RPN2: variants seen among roughly 807,000 people sequenced by gnomAD.
The protein encoded by RPN2 is dolichyl-diphosphooligosaccharide--protein glycosyltransferase subunit 2.
A neutral mutation model predicts 71.4 loss-of-function variants in RPN2; 29 were observed. The observed-to-expected ratio is 0.41, with a 90% CI of 0.30 to 0.55. The LOEUF is 0.55. Ranked by LOEUF, RPN2 falls within the 20% of genes least tolerant of loss-of-function variation. RPN2 has a pLI of 0.35. For synonymous variants in RPN2, 308 were observed against 305.0 expected (o/e 1.01, Z -0.10); for missense variants, 726 against 774.1 (o/e 0.94, Z 0.74).
chr20:37,179,427 C>T (rs2066780330), intron 1 of RPN2, 58 bp downstream of exon 1: 2 of 164,224 alleles, frequency 1.2e-5, no homozygotes, highest in South Asian at 8.8e-5. Flanking sequence ...GGTTACTAGT[C>T]GCCGCTCGAG....
rs1168170183 is a variant in RPN2, at chr20:37,213,900, A to T, written c.1092+35A>T. The T allele has an allele frequency of 2.0e-6, 3 of 1,475,030 alleles. No homozygotes were observed. The East Asian group carries it at 6.8e-5, about 33-fold the overall frequency. 91.4% of individuals were successfully genotyped at this position (1,475,030 alleles called of 1,614,324 possible). ...TTTCTTTCCTTCCCATTGCCATGTT[A>T]GTATATCCAAGGATATGGCCAAATT... On this transcript the variant is annotated intron_variant, in intron 9 of 16. Transcript: ENST00000237530.
rs141408505 is a variant in RPN2 at position 37,232,379 on chromosome 20, G to A, written c.1665G>A (p.Leu555=). Residue 555 remains leucine, a synonymous_variant, in exon 14 of 17, where the codon CTG becomes CTA. Coordinates refer to ENST00000237530, the MANE Select transcript of RPN2 (RefSeq NM_002951.5). ...CCCTGATCCTCTCGCCGTTGCTTCT[G>A]CTCTTCGCTCTGGTGAGTGGCTGTA... The part of the protein sequence containing the change: ...FTALILSPLL[L]LFALWIRIGA... The A allele has an allele frequency of 2.0e-5, 33 of 1,614,050 alleles. No homozygotes were observed. The highest frequency in any genetic ancestry group is 2.6e-5 in the Non-Finnish European group (31 of 1,180,030).
chr20:37,239,371 A>AG (rs2068490840), intron 16 of RPN2, among the ~76,000 whole-genome samples: 1 of 152,150 alleles, frequency 6.6e-6, no homozygotes, highest in South Asian at 2.1e-4. Flanking sequence ...CAACAAAGGG[A>AG]GGGGAGGTAT....
At chr20:37,205,233 T>C (rs1426871387) in intron 6 of RPN2, among the ~76,000 whole-genome samples, 2 of 151,920 alleles carry the variant, frequency 1.3e-5, no homozygotes, top group Non-Finnish European at 2.9e-5. Flanking sequence ...CCTGAATGCT[T>C]TCCACTCTGG....
Position 37,224,748 on chromosome 20 carries a change from A to G in RPN2, c.1184+779A>G, listed in dbSNP as rs544386816. 2.6e-5 allele frequency among the ~76,000 whole-genome samples: 4 copies of G among 152,304 alleles called. 1 individual carries two copies. Among genetic ancestry groups the G allele is most frequent in the African/African-American group, 9.6e-5 (4 of 41,570 alleles). On this transcript the variant is annotated intron_variant, in intron 10 of 16. Transcript: ENST00000237530. Reference sequence around the variant, plus strand: ...GACCCCAACTTTACTCAACTAGGGTAGCTATAGAGGCCAGAAGACAGTAGG... The same window carrying G: ...GACCCCAACTTTACTCAACTAGGGTGGCTATAGAGGCCAGAAGACAGTAGG...
chr20:37,179,666 T>G, intron 1 of RPN2: 1 of 444,300 alleles, frequency 2.3e-6, no homozygotes, highest in Non-Finnish European at 3.6e-6. Context: ...GCCTCATTCA[T>G]TTCACTCGCG....
At chr20:37,215,904 T>G (rs1555889454) in intron 9 of RPN2, among the ~76,000 whole-genome samples, 1 of 152,218 alleles carries the variant, frequency 6.6e-6, no homozygotes, top group Non-Finnish European at 1.5e-5. Flanking sequence ...TTTGCCTGGT[T>G]TTCTTTTGGT....
At position 37,234,073 on chromosome 20, in the gene RPN2, T is replaced by G. The variant is rs1417587547; in HGVS notation, c.1731T>G (p.Ile577Met). Residue 577 changes from isoleucine to methionine, a missense_variant, in exon 15 of 17, where the codon ATT becomes ATG. Physicochemically the swap from Ile to Met is conservative, Grantham distance 10. Coordinates refer to ENST00000237530, the MANE Select transcript of RPN2 (RefSeq NM_002951.5). ...ACTTCACTTTTGCTCCTAGCACGATTATATTTCACCTGGGACATGCTGGTA... is the reference window on the plus strand; with the variant it reads ...ACTTCACTTTTGCTCCTAGCACGATGATATTTCACCTGGGACATGCTGGTA... ...VSNFTFAPST[I>M]IFHLGHAAML... 2 of 1,614,236 alleles carry G rather than the reference T, an allele frequency of 1.2e-6. No individual in the cohort carries two copies. Among genetic ancestry groups the G allele is most frequent in the South Asian group, 2.2e-5 (2 of 91,080 alleles).
chr20:37,183,167 G>A (rs1486956848), intron 1 of RPN2, among the ~76,000 whole-genome samples: 2 of 150,956 alleles, frequency 1.3e-5, no homozygotes, highest in South Asian at 2.1e-4. Flanking sequence ...AGTAGTAGAA[G>A]TAGTAGCTAA....
In RPN2 at chr20:37,205,310, C is replaced by T. The variant is rs552801076; in HGVS notation, c.690+409C>T. 5.3e-5 allele frequency among the ~76,000 whole-genome samples: 8 copies of T among 152,134 alleles called. 1 individual carries two copies. The highest frequency in any genetic ancestry group is 1.4e-4 in the African/African-American group (6 of 41,508). On this transcript the variant is annotated intron_variant, in intron 6 of 16. Transcript: ENST00000237530. ...CTCCCTTCCCCCTTATGCTCAGCAA[C>T]GGCTAAATCTTAGCTAATCTTTGCT... is the stretch of plus-strand genomic sequence containing the variant.
chr20:37,223,922 T>G lies in RPN2; in HGVS notation c.1137T>G (p.Asp379Glu), dbSNP rs1349985303. Residue 379 changes from aspartate to glutamate, a missense_variant, in exon 10 of 17, where the codon GAT becomes GAG. Physicochemically the swap from Asp to Glu is conservative, Grantham distance 45. Coordinates refer to ENST00000237530, the MANE Select transcript of RPN2 (RefSeq NM_002951.5). ...CTGAAGTTGGCATCACAAATGTTGA[T>G]CTTTCCACCGTGGATAAGGATCAGA... ...ISTEVGITNVDLSTVDKDQSI... is the reference protein window; with the variant it reads ...ISTEVGITNVELSTVDKDQSI... 3.7e-6 allele frequency: 6 copies of G among 1,614,154 alleles called. No individual in the cohort carries two copies. Among genetic ancestry groups the G allele is most frequent in the Admixed American group, 1.7e-5 (1 of 60,026 alleles).
At chr20:37,233,050 T>C (rs2068293030) in intron 14 of RPN2, among the ~76,000 whole-genome samples, 1 of 151,860 alleles carries the variant, frequency 6.6e-6, no homozygotes, top group Admixed American at 6.6e-5. Flanking sequence ...ACCCCATCTC[T>C]ACTAAAATCA....
intron 9 of RPN2, among the ~76,000 whole-genome samples, chr20:37,220,370 G>A (rs988850373): frequency 2.6e-5 from 4 of 152,174 alleles, no homozygotes; most frequent in Non-Finnish European, 5.9e-5. Flanking sequence ...CGGTGGTTTG[G>A]TGTGGAAGTC....
intron 9 of RPN2, among the ~76,000 whole-genome samples, chr20:37,221,524 A>G (rs962189107): frequency 2.0e-5 from 3 of 152,150 alleles, no homozygotes; most frequent in Non-Finnish European, 4.4e-5. Flanking sequence ...ATTGCTCCAT[A>G]GTAATTAATA....
chr20:37,241,353 CA>C lies in RPN2; in HGVS notation c.*40del. The C allele has an allele frequency of 6.2e-7, 1 of 1,605,872 alleles. No homozygotes were observed. The highest frequency in any genetic ancestry group is 8.5e-7 in the Non-Finnish European group (1 of 1,175,172). Reference sequence around the variant, plus strand: ...GATGGAAATTCTGAAAACTGAATGTCAAGAAAAGGAGTCAAGAACAATTCAC... The same window carrying C: ...GATGGAAATTCTGAAAACTGAATGTCAGAAAAGGAGTCAAGAACAATTCAC... On this transcript the variant is annotated 3_prime_UTR_variant, in exon 17 of 17. Coordinates refer to ENST00000237530, the MANE Select transcript of RPN2 (RefSeq NM_002951.5).
intron 9 of RPN2, among the ~76,000 whole-genome samples, chr20:37,220,593 T>C (rs1001621366): frequency 1.6e-4 from 24 of 152,284 alleles, no homozygotes; most frequent in African/African-American, 5.8e-4. Context: ...AAGAAAGGAA[T>C]AGCATGATCC....
intron 2 of RPN2, among the ~76,000 whole-genome samples, chr20:37,193,888 G>A (rs2067199573): frequency 6.6e-6 from 1 of 152,186 alleles, no homozygotes; most frequent in South Asian, 2.1e-4. Flanking sequence ...CCATGGGCAT[G>A]GATGGGATGG....
In RPN2 at chr20:37,225,708, C is replaced by T; in HGVS notation, c.1205C>T (p.Ala402Val). Residue 402 changes from alanine (A) to valine (V), a missense_variant, in exon 11 of 17, where the codon GCC becomes GTC. Ala to Val is a moderately conservative substitution (Grantham distance 64, BLOSUM62 0). Coordinates refer to ENST00000237530, the MANE Select transcript of RPN2 (RefSeq NM_002951.5). ...KTTRVTYPAK[A>V]KGTFIADSHQ... ...TTCAGGGTGACATACCCAGCCAAAG[C>T]CAAGGGCACATTCATCGCAGACAGC... The T allele has an allele frequency of 6.2e-7, 1 of 1,614,004 alleles. No individual in the cohort carries two copies. The highest frequency in any genetic ancestry group is 8.5e-7 in the Non-Finnish European group (1 of 1,179,888).
chr20:37,229,503 T>TG (rs1378676320), intron 12 of RPN2, among the ~76,000 whole-genome samples: 2 of 152,086 alleles, frequency 1.3e-5, no homozygotes, highest in Non-Finnish European at 2.9e-5. Flanking sequence ...CTTTGAATGG[T>TG]GGTTGACTCA....
Sources: allele counts gnomAD v4.1 joint callset (sites outside exome capture counted in the v4.1 genomes callset), GRCh38; gene constraint gnomAD v4.1.1; transcripts MANE v1.5; gene names NCBI Gene and HGNC (gene_info 2026-07-23, HGNC 2026-07-21).